Variants in FHOD3 observed in about 807,000 individuals in gnomAD.
FHOD3 encodes the protein FH1/FH2 domain-containing protein 3.
Under a neutral mutation model 173.0 loss-of-function variants are expected in FHOD3, and 90 were observed. The observed-to-expected ratio is 0.52, with a 90% CI of 0.44 to 0.62. The LOEUF is 0.62. Among genes scored for constraint, FHOD3 ranks in the 20% least tolerant of loss-of-function variants. The probability of loss-of-function intolerance (pLI) is 0.00; values close to 1 mark genes in which losing one functional copy is unlikely to be tolerated. For synonymous variants in FHOD3, 828 were observed against 823.0 expected (o/e 1.01, Z -0.10); for missense variants, 1,945 against 2,034.7 (o/e 0.96, Z 0.85).
chr18:36,740,649 T>A lies in FHOD3; in HGVS notation c.3577-7T>A, dbSNP rs1211105370. The A allele has an allele frequency of 1.2e-6, 2 of 1,610,908 alleles. No homozygotes were observed. The highest frequency in any genetic ancestry group is 1.7e-6 in the Non-Finnish European group (2 of 1,178,604). ...AGAAAATATACTATATCATCTCCTA[T>A]TTCCAGAAAATTCTAACGATGATTC... On this transcript the variant is annotated splice_region_variant and splice_polypyrimidine_tract_variant and intron_variant, in intron 20 of 28. Coordinates refer to ENST00000590592, the MANE Select transcript of FHOD3 (RefSeq NM_001281740.3).
intron 3 of FHOD3, among the ~76,000 whole-genome samples, chr18:36,440,303 C>A (rs2051061374): frequency 1.3e-5 from 2 of 152,224 alleles, no homozygotes. Flanking sequence ...GCAGCAGAAG[C>A]AGGCGCAGGG....
chr18:36,516,787 A>G (rs1304126070), intron 5 of FHOD3, among the ~76,000 whole-genome samples: 2 of 152,224 alleles, frequency 1.3e-5, no homozygotes, highest in Non-Finnish European at 2.9e-5. Flanking sequence ...ATGATATTGC[A>G]AACCGTAAGT....
chr18:36,646,899 G>T (rs1373818882), intron 10 of FHOD3, among the ~76,000 whole-genome samples: 2 of 152,174 alleles, frequency 1.3e-5, no homozygotes, highest in Admixed American at 1.3e-4. Flanking sequence ...AGAAGGGAAA[G>T]ATGTTTACAG....
At chr18:36,306,797 C>T (rs893004283) in intron 1 of FHOD3, among the ~76,000 whole-genome samples, 1 of 152,082 alleles carries the variant, frequency 6.6e-6, no homozygotes, top group Non-Finnish European at 1.5e-5. Flanking sequence ...AGAGGATAAC[C>T]GTGATTTAGA....
At chr18:36,300,566 G>T (rs948805087) in intron 1 of FHOD3, among the ~76,000 whole-genome samples, 1 of 152,138 alleles carries the variant, frequency 6.6e-6, no homozygotes, top group African/African-American at 2.4e-5. Flanking sequence ...GCCACAGGGC[G>T]TGCTTCTTCC....
chr18:36,537,813 A>G (rs778499123), intron 5 of FHOD3, among the ~76,000 whole-genome samples: 5 of 152,222 alleles, frequency 3.3e-5, no homozygotes, highest in Non-Finnish European at 5.9e-5. Flanking sequence ...GTAAGGATAT[A>G]GTGTAAGTCA....
chr18:36,580,013 A>G (rs912597039), intron 6 of FHOD3, among the ~76,000 whole-genome samples: 2 of 152,216 alleles, frequency 1.3e-5, no homozygotes, highest in African/African-American at 4.8e-5. Context: ...ACAGCATCAT[A>G]TTGATATTAC....
intron 8 of FHOD3, among the ~76,000 whole-genome samples, chr18:36,610,590 T>A (rs1394680437): frequency 6.6e-6 from 1 of 152,226 alleles, no homozygotes; most frequent in African/African-American, 2.4e-5. Context: ...TTCATTAGTT[T>A]CTGATCTCAA....
At chr18:36,319,869 C>A (rs1038119329) in intron 1 of FHOD3, among the ~76,000 whole-genome samples, 1 of 152,136 alleles carries the variant, frequency 6.6e-6, no homozygotes, top group Non-Finnish European at 1.5e-5. Context: ...AACTGAACAA[C>A]CTACTCCTGA....
intron 3 of FHOD3, among the ~76,000 whole-genome samples, chr18:36,394,641 G>A (rs1568215253): frequency 1.3e-5 from 2 of 152,238 alleles, no homozygotes; most frequent in East Asian, 3.9e-4. Context: ...AATCATCACG[G>A]GTGTTCTCTT....
At chr18:36,691,988 A>G (rs1405232554) in intron 16 of FHOD3, among the ~76,000 whole-genome samples, 2 of 152,224 alleles carry the variant, frequency 1.3e-5, no homozygotes, top group African/African-American at 2.4e-5. Flanking sequence ...AAGGGACTAC[A>G]TATCCGACAT....
intron 1 of FHOD3, among the ~76,000 whole-genome samples, chr18:36,334,234 A>C (rs755076798): frequency 6.6e-6 from 1 of 152,268 alleles, no homozygotes; most frequent in Non-Finnish European, 1.5e-5. Flanking sequence ...TTTATGGATT[A>C]CATTTTTAAT....
intron 6 of FHOD3, among the ~76,000 whole-genome samples, chr18:36,593,025 C>T (rs1263917232): frequency 6.6e-6 from 1 of 152,104 alleles, no homozygotes; most frequent in Non-Finnish European, 1.5e-5. Flanking sequence ...GGAGTGAACT[C>T]AGAGGTCTTC....
rs911732793 is a variant in FHOD3 at position 36,731,780 on chromosome 18, A to G, written c.3576+976A>G. On this transcript the variant is annotated intron_variant, in intron 20 of 28. Transcript: ENST00000590592. ...GCCAGAATCACCCATGGCCCTGGGA[A>G]TGGGAGGGAGCAGTGGGCACACAGT... 8.5e-5 allele frequency among the ~76,000 whole-genome samples: 13 copies of G among 152,200 alleles called. 1 individual carries two copies. Among genetic ancestry groups the G allele is most frequent in the Admixed American group, 8.5e-4 (13 of 15,280 alleles).
chr18:36,346,835 C>G (rs55924096), intron 1 of FHOD3, among the ~76,000 whole-genome samples: 1 of 152,238 alleles, frequency 6.6e-6, no homozygotes, highest in African/African-American at 2.4e-5. Context: ...TGAGGCTCCC[C>G]CTCCATGGCC....
intron 7 of FHOD3, among the ~76,000 whole-genome samples, chr18:36,601,854 G>A (rs2031428444): frequency 6.6e-6 from 1 of 152,090 alleles, no homozygotes; most frequent in African/African-American, 2.4e-5. Context: ...TTTTGGTCTT[G>A]CCCTTGGCTT....
rs1171741366 is a variant in FHOD3, at chr18:36,730,518, CCTT to C, written c.3418-125_3418-123del. ...CTTTCTGTGCTGAACAGTAGCCAGTCCTTCTCTGAGCTGAACTGGGGCCATTTG... is the reference window on the plus strand; with the variant it reads ...CTTTCTGTGCTGAACAGTAGCCAGTCCTCTGAGCTGAACTGGGGCCATTTG... On this transcript the variant is annotated intron_variant, in intron 19 of 28. Coordinates refer to ENST00000590592, the MANE Select transcript of FHOD3 (RefSeq NM_001281740.3). The C allele has an allele frequency of 4.6e-6, 4 of 861,056 alleles. No individual in the cohort carries two copies. The African/African-American group carries it at 5.1e-5, about 11-fold the overall frequency. The allele number at this position is 861,056 out of a possible 1,614,324, so 53.3% of individuals were successfully genotyped here.
intron 1 of FHOD3, among the ~76,000 whole-genome samples, chr18:36,352,350 G>A (rs1344633489): frequency 6.6e-6 from 1 of 152,172 alleles, no homozygotes; most frequent in Non-Finnish European, 1.5e-5. Context: ...AAAGGTTATA[G>A]ACATTCACAG....
chr18:36,749,848 T>G (rs918680671), intron 24 of FHOD3, among the ~76,000 whole-genome samples: 12 of 152,228 alleles, frequency 7.9e-5, no homozygotes, highest in Non-Finnish European at 1.8e-4. Flanking sequence ...ACATCTGTTA[T>G]TTTTTGACTT....
Sources: gnomAD v4.1 joint callset for allele counts (sites outside exome capture counted in the v4.1 genomes callset) on GRCh38, gnomAD v4.1.1 for gene constraint, MANE v1.5 for transcripts, NCBI Gene and HGNC (gene_info 2026-07-23, HGNC 2026-07-21) for gene names.